Variants in GUCY2F observed in about 807,000 individuals in gnomAD.
GUCY2F encodes guanylate cyclase 2F, retinal, also known as retinal guanylyl cyclase 2.
Under a neutral mutation model 73.1 loss-of-function variants are expected in GUCY2F, and 61 were observed. The ratio of observed to expected loss-of-function variants is 0.83; its 90% CI spans 0.68 to 1.03. The LOEUF (loss-of-function observed/expected upper bound fraction) is 1.03. Among genes scored for constraint, GUCY2F ranks in the 50% least tolerant of loss-of-function variants. The probability of loss-of-function intolerance (pLI) is 0.00; values close to 1 mark genes in which losing one functional copy is unlikely to be tolerated. For missense variants in GUCY2F, 912 were observed against 854.3 expected (o/e 1.07, Z -0.84); for synonymous variants, 331 against 307.8 (o/e 1.08, Z -0.79).
At chrX:109,403,057 T>C (rs1930885209) in intron 10 of GUCY2F, among the ~76,000 whole-genome samples, 1 of 112,523 alleles carries the variant, frequency 8.9e-6, no homozygotes, top group South Asian at 3.7e-4. Context: ...TATCTTTTTT[T>C]GGGCTGTTTG....
rs779066597 is a variant in GUCY2F, at chrX:109,452,100, G to T, written c.1395C>A (p.Asp465Glu). 6.5e-6 allele frequency: 7 copies of T among 1,070,204 alleles called. No individual in the cohort carries two copies. The highest frequency in any genetic ancestry group is 1.9e-5 in the South Asian group (1 of 53,837). The allele number at this position is 1,070,204 out of a possible 1,213,427, so 88.2% of individuals were successfully genotyped here. ...AEGKICHGGI[D>E]PAFAMMVCLT... ...GGCAGACCATCATGGCAAAGGCAGG[G>T]TCGATGCCTGCAGAGAGTGAGAGGA... The change falls in exon 5 of 20, where the codon GAC (aspartate) becomes GAA (glutamate). Residue 465 changes from aspartate to glutamate, a missense_variant. Physicochemically the swap from Asp to Glu is conservative, Grantham distance 45 (BLOSUM62 2). Transcript: ENST00000218006.
intron 6 of GUCY2F, among the ~76,000 whole-genome samples, chrX:109,447,484 A>G (rs1047129642): frequency 9.1e-6 from 1 of 110,087 alleles, no homozygotes; most frequent in Non-Finnish European, 1.9e-5. Context: ...AGGGACATGG[A>G]TGAAGCTGGA....
chrX:109,416,933 C>CAAAAA (rs367707786), intron 8 of GUCY2F, among the ~76,000 whole-genome samples: 59 of 57,614 alleles, frequency 1.0e-3, no homozygotes, highest in African/African-American at 2.6e-3. Context: ...CAAAGAAATG[C>CAAAAA]AAAAAAAAAA....
chrX:109,437,188 C>G (rs1446386595), intron 7 of GUCY2F, among the ~76,000 whole-genome samples: 1 of 111,423 alleles, frequency 9.0e-6, no homozygotes, highest in Admixed American at 9.5e-5. Context: ...GGCCAGTTTT[C>G]TAGCCTCAGC....
intron 8 of GUCY2F, among the ~76,000 whole-genome samples, chrX:109,415,613 G>A (rs1351769004): frequency 1.8e-5 from 2 of 112,288 alleles, no homozygotes; most frequent in African/African-American, 3.2e-5. Context: ...ATCTTTCAAA[G>A]TGGAGGAGAG....
At chrX:109,377,317 GACTATTT>G (rs1930202772) in intron 17 of GUCY2F, among the ~76,000 whole-genome samples, 1 of 111,347 alleles carries the variant, frequency 9.0e-6, no homozygotes, top group South Asian at 3.8e-4. Context: ...CAAATAATTG[GACTATTT>G]GAGCCCACTC....
At chrX:109,407,083 G>A (rs1044138451) in intron 9 of GUCY2F, among the ~76,000 whole-genome samples, 1 of 112,219 alleles carries the variant, frequency 8.9e-6, no homozygotes, top group African/African-American at 3.2e-5. Flanking sequence ...GAAGAAGACA[G>A]GAAAATGTGG....
At chrX:109,383,192 G>T (rs1215591367) in intron 16 of GUCY2F, among the ~76,000 whole-genome samples, 1 of 111,425 alleles carries the variant, frequency 9.0e-6, no homozygotes, top group Admixed American at 9.6e-5. Context: ...ATCATCCAAA[G>T]CCCTTACTCA....
At chrX:109,422,082 A>AT (rs1164440052) in intron 8 of GUCY2F, among the ~76,000 whole-genome samples, 1 of 111,855 alleles carries the variant, frequency 8.9e-6, no homozygotes, top group Non-Finnish European at 1.9e-5. Flanking sequence ...GATAGGATAA[A>AT]TTACTGAAAA....
At chrX:109,458,795 A>C in intron 3 of GUCY2F, among the ~76,000 whole-genome samples, 1 of 111,522 alleles carries the variant, frequency 9.0e-6, no homozygotes. Flanking sequence ...CAAACTATTT[A>C]GTGTGTTAAT....
intron 10 of GUCY2F, among the ~76,000 whole-genome samples, chrX:109,403,470 G>A (rs1569359503): frequency 9.0e-6 from 1 of 111,674 alleles, no homozygotes; most frequent in Non-Finnish European, 1.9e-5. Flanking sequence ...GGATAATCTT[G>A]CAAGCCAGAT....
At chrX:109,456,956 A>G (rs776236715) in intron 3 of GUCY2F, among the ~76,000 whole-genome samples, 1 of 111,942 alleles carries the variant, frequency 8.9e-6, no homozygotes, top group East Asian at 2.8e-4. Context: ...GGCATTCTCT[A>G]CAGGCCTCTA....
chrX:109,416,293 G>A (rs1280942716), intron 8 of GUCY2F, among the ~76,000 whole-genome samples: 1 of 111,181 alleles, frequency 9.0e-6, no homozygotes, highest in East Asian at 2.8e-4. Context: ...AAATATATTT[G>A]AAGATTTAAA....
At chrX:109,456,781 G>T (rs1341244911) in intron 3 of GUCY2F, among the ~76,000 whole-genome samples, 1 of 111,913 alleles carries the variant, frequency 8.9e-6, no homozygotes, top group Non-Finnish European at 1.9e-5. Context: ...TGCTGTAGTT[G>T]GTTTGAGTTC....
chrX:109,472,041 T>C (rs762686247), intron 2 of GUCY2F, among the ~76,000 whole-genome samples: 7 of 111,697 alleles, frequency 6.3e-5, no homozygotes, highest in Non-Finnish European at 1.1e-4. Flanking sequence ...TATCATTGCA[T>C]TGATATTATG....
intron 16 of GUCY2F, among the ~76,000 whole-genome samples, chrX:109,384,239 T>C (rs1052876588): frequency 1.8e-5 from 2 of 112,288 alleles, no homozygotes; most frequent in African/African-American, 6.5e-5. Flanking sequence ...AGGGACTAGT[T>C]TGAGTACAGT....
At chrX:109,454,464 C>T (rs986186395) in intron 3 of GUCY2F, among the ~76,000 whole-genome samples, 3 of 111,556 alleles carry the variant, frequency 2.7e-5, no homozygotes, top group Non-Finnish European at 5.7e-5. Context: ...CTGACACATA[C>T]GCACCCAGCT....
intron 19 of GUCY2F, among the ~76,000 whole-genome samples, chrX:109,375,280 C>A (rs1381352376): frequency 3.6e-5 from 4 of 111,145 alleles, no homozygotes; most frequent in East Asian, 2.8e-4. Flanking sequence ...GGAGAGAATT[C>A]TTGATAATTA....
intron 3 of GUCY2F, among the ~76,000 whole-genome samples, chrX:109,460,683 C>A (rs1932344536): frequency 9.0e-6 from 1 of 111,231 alleles, no homozygotes; most frequent in Admixed American, 9.6e-5. Context: ...ATAGATCCTG[C>A]AGAGAAGAGA....
Sources: allele counts gnomAD v4.1 joint callset (sites outside exome capture counted in the v4.1 genomes callset), GRCh38; gene constraint gnomAD v4.1.1; transcripts MANE v1.5; gene names NCBI Gene and HGNC (gene_info 2026-07-23, HGNC 2026-07-21).